The following CEP295 variants were observed in gnomAD, a reference collection of about 807,000 sequenced individuals.
CEP295 encodes the protein centrosomal protein of 295 kDa.
Under a neutral mutation model 291.6 loss-of-function variants are expected in CEP295, and 190 were observed. That is an observed-to-expected ratio of 0.65 (90% confidence interval 0.58 to 0.73). The LOEUF (loss-of-function observed/expected upper bound fraction) is 0.73. CEP295 is among the 30% of genes least tolerant of loss of function. The pLI, the probability that CEP295 is intolerant of heterozygous loss-of-function variation, is 0.00. For synonymous variants in CEP295, 993 were observed against 1,038.8 expected, an observed-to-expected ratio of 0.96 and a Z score of 0.85; for missense variants, 2,863 against 2,949.4, an observed-to-expected ratio of 0.97 and a Z score of 0.68.
intron 9 of CEP295, among the ~76,000 whole-genome samples, chr11:93,684,415 A>G (rs1371122850): frequency 6.6e-6 from 1 of 152,222 alleles, no homozygotes; most frequent in African/African-American, 2.4e-5. Flanking sequence ...CATGGTAAAC[A>G]TATCTGATAG....
intron 7 of CEP295, among the ~76,000 whole-genome samples, chr11:93,680,691 G>A (rs6483257): frequency 0.96 from 146,467 of 152,314 alleles, 70,684 homozygotes; most frequent in East Asian, 1. Context: ...GTAAAATATT[G>A]TAATGAAAGC....
rs1311092781 is a variant in CEP295 at position 93,696,748 on chromosome 11, A to G, written c.1836A>G (p.Gly612=). 1 of 1,551,320 alleles carries G rather than the reference A, an allele frequency of 6.4e-7. No homozygotes were observed. The highest frequency in any genetic ancestry group is 1.4e-5 in the African/African-American group (1 of 73,032). The change falls in exon 15 of 30, where the codon GGA becomes GGG. Residue 612 remains glycine, a synonymous_variant. Transcript: ENST00000325212. ...TTGAATATCAAACTATGTTAAAAGG[A>G]AGGTGCCCATCGGTGTCAGCTCCAT... ...QLLEYQTMLK[G]RCPSVSAPSL... is the part of the protein sequence containing the mutation.
chr11:93,713,240 C>T (rs1192775840), intron 18 of CEP295, among the ~76,000 whole-genome samples: 1 of 152,168 alleles, frequency 6.6e-6, no homozygotes, highest in African/African-American at 2.4e-5. Flanking sequence ...TTACACAAAA[C>T]AATTACAGTT....
chr11:93,677,277 C>G (rs577773234), intron 6 of CEP295, among the ~76,000 whole-genome samples: 15 of 152,044 alleles, frequency 9.9e-5, no homozygotes, highest in Non-Finnish European at 2.2e-4. Flanking sequence ...TATTTGCACG[C>G]TTGGCATATA....
At chr11:93,671,133 T>C (rs2134823726) in intron 5 of CEP295, among the ~76,000 whole-genome samples, 1 of 152,294 alleles carries the variant, frequency 6.6e-6, no homozygotes, top group African/African-American at 2.4e-5. Flanking sequence ...TCCACCCACC[T>C]CTGCCTCCCA....
chr11:93,727,747 C>CA (rs1227304843), intron 24 of CEP295, 110 bp downstream of exon 24: 2 of 863,538 alleles, frequency 2.3e-6, no homozygotes, highest in East Asian at 2.7e-5. Context: ...AGGCTGAACT[C>CA]AAACTCCTAG....
chr11:93,672,416 C>CTTT (rs568279632), intron 5 of CEP295, among the ~76,000 whole-genome samples: 1 of 145,036 alleles, frequency 6.9e-6, no homozygotes, highest in Non-Finnish European at 1.5e-5. Context: ...TTGCTTATAC[C>CTTT]TTTTTTTTTT....
At position 93,679,349 on chromosome 11, in the gene CEP295, T is replaced by C. The variant is rs963352771; in HGVS notation, c.625-63T>C. On this transcript the variant is annotated intron_variant, in intron 6 of 29. Transcript: ENST00000325212. Reference sequence around the variant, plus strand: ...AAACATGATTTTAAGGTTGTTTTGTTTTTTAGTTACTGCTTGTCTCACACT... The same window carrying C: ...AAACATGATTTTAAGGTTGTTTTGTCTTTTAGTTACTGCTTGTCTCACACT... 3.8e-5 allele frequency: 54 copies of C among 1,410,960 alleles called. No homozygotes were observed. The African/African-American group carries it at 7.1e-4, about 19-fold the overall frequency. 87.4% of individuals were successfully genotyped at this position (1,410,960 alleles called of 1,614,324 possible). A position where few individuals can be genotyped will look rare whatever the true frequency, so the allele number is the denominator to read the frequency against.
At position 93,696,776 on chromosome 11, in the gene CEP295, T is replaced by C. The variant is rs202217329; in HGVS notation, c.1864T>C (p.Leu622=). The change falls in exon 15 of 30, where the codon TTG becomes CTG. Residue 622 remains leucine, a synonymous_variant. Coordinates refer to ENST00000325212, the MANE Select transcript of CEP295 (RefSeq NM_033395.2). Reference sequence around the variant, plus strand: ...GTGCCCATCGGTGTCAGCTCCATCATTGATAACTGATTCTGTTATATCAGT... The same window carrying C: ...GTGCCCATCGGTGTCAGCTCCATCACTGATAACTGATTCTGTTATATCAGT... ...GRCPSVSAPS[L]ITDSVISVPS... is the part of the protein sequence containing the mutation. The C allele has an allele frequency of 1.4e-5, 22 of 1,551,514 alleles. No individual in the cohort carries two copies. Among genetic ancestry groups the C allele is most frequent in the African/African-American group, 2.7e-5 (2 of 73,058 alleles).
intron 1 of CEP295, among the ~76,000 whole-genome samples, chr11:93,663,176 A>T (rs562992336): frequency 6.6e-6 from 1 of 152,308 alleles, no homozygotes; most frequent in South Asian, 2.1e-4. Flanking sequence ...CATGCTTCCC[A>T]TGGGCTGCTC....
At chr11:93,674,793 T>TTA (rs1950613759) in intron 5 of CEP295, among the ~76,000 whole-genome samples, 1 of 152,234 alleles carries the variant, frequency 6.6e-6, no homozygotes, top group Non-Finnish European at 1.5e-5. Context: ...ATTATTTAAT[T>TTA]TATGTGTAAT....
chr11:93,696,367 T>TCC lies in CEP295; in HGVS notation c.1720_1721insCC (p.His574ProfsTer5). 1 of 1,550,908 alleles carries TCC rather than the reference T, an allele frequency of 6.4e-7. No individual in the cohort carries two copies. The highest frequency in any genetic ancestry group is 8.7e-7 in the Non-Finnish European group (1 of 1,146,422). ...GCCCTGTAATTTCTGATGAAGATAG[T>TCC]CATAGGCAGATGATTCGTAACTATC... On this transcript the variant is annotated frameshift_variant, in exon 14 of 30. Coordinates refer to ENST00000325212, the MANE Select transcript of CEP295 (RefSeq NM_033395.2). LOFTEE classifies it high-confidence loss of function.
intron 17 of CEP295, among the ~76,000 whole-genome samples, chr11:93,706,099 C>T (rs1952495606): frequency 6.6e-6 from 1 of 152,158 alleles, no homozygotes; most frequent in Non-Finnish European, 1.5e-5. Flanking sequence ...AGAGAATAAA[C>T]CTTTAGTTTC....
intron 14 of CEP295, 57 bp from the exon 15 acceptor site, chr11:93,696,625 A>G: frequency 2.1e-6 from 3 of 1,426,554 alleles, no homozygotes; most frequent in East Asian, 2.5e-5. Context: ...ATGTATAGAC[A>G]TGGGGCTTTT....
At chr11:93,693,678 C>T (rs747026918) in intron 12 of CEP295, among the ~76,000 whole-genome samples, 10 of 152,174 alleles carry the variant, frequency 6.6e-5, no homozygotes, top group Non-Finnish European at 1.3e-4. Flanking sequence ...ATCGCTTGAA[C>T]CCAAGAGGTG....
At position 93,697,445 on chromosome 11, in the gene CEP295, G is replaced by C; in HGVS notation, c.2533G>C (p.Gly845Arg). 3.2e-6 allele frequency: 5 copies of C among 1,552,168 alleles called. No individual in the cohort carries two copies. The highest frequency in any genetic ancestry group is 3.5e-6 in the Non-Finnish European group (4 of 1,147,092). Reference protein sequence around the residue: ...LPSENITAQQGNMKALQEQLD... With the variant: ...LPSENITAQQRNMKALQEQLD... ...GTCAGAGAATATCACAGCCCAGCAA[G>C]GTAATATGAAGGCCCTCCAAGAACA... Residue 845 changes from glycine to arginine, a missense_variant, in exon 15 of 30, where the codon GGT (glycine) becomes CGT (arginine). By Grantham distance (125) the Gly-to-Arg change is moderately radical. Around this residue, in one of 3 missense-constraint regions of CEP295, gnomAD observed 2,295 missense variants for 2,335.7 expected, o/e 0.98. Coordinates refer to ENST00000325212, the MANE Select transcript of CEP295 (RefSeq NM_033395.2).
At position 93,724,283 on chromosome 11, in the gene CEP295, C is replaced by A. The variant is rs1409601590; in HGVS notation, c.6226C>A (p.His2076Asn). The A allele has an allele frequency of 6.4e-7, 1 of 1,550,644 alleles. No individual in the cohort carries two copies. Among genetic ancestry groups the A allele is most frequent in the Non-Finnish European group, 8.7e-7 (1 of 1,146,456 alleles). ...GGAACACATTTTTCCTAATTTGCAT[C>A]ATCAGCTGTTTAAACCCTTAGAACC... Reference protein sequence around the residue: ...ELEHIFPNLHHQLFKPLEPHP... With the variant: ...ELEHIFPNLHNQLFKPLEPHP... The change falls in exon 22 of 30, where the codon CAT becomes AAT. Residue 2076 changes from histidine (H) to asparagine (N), a missense_variant. Transcript: ENST00000325212.
chr11:93,694,634 G>A (rs775683101), intron 12 of CEP295, among the ~76,000 whole-genome samples: 2 of 152,172 alleles, frequency 1.3e-5, no homozygotes, highest in Non-Finnish European at 2.9e-5. Context: ...AACCAAGATG[G>A]CTACTAAGTA....
chr11:93,671,333 G>T (rs1565431207), intron 5 of CEP295, among the ~76,000 whole-genome samples: 2 of 152,038 alleles, frequency 1.3e-5, no homozygotes, highest in African/African-American at 2.4e-5. Flanking sequence ...ACTTGTGGGG[G>T]TTTTTTACTC....
Sources: gnomAD v4.1 joint callset for allele counts (sites outside exome capture counted in the v4.1 genomes callset) on GRCh38, gnomAD v4.1.1 for gene constraint, gnomAD v4.1.1 regional missense constraint, MANE v1.5 for transcripts, NCBI Gene and HGNC (gene_info 2026-07-23, HGNC 2026-07-21) for gene names.